Variants in CDH10 observed in about 807,000 individuals in gnomAD.
CDH10 encodes cadherin 10.
Under a neutral mutation model 73.1 loss-of-function variants are expected in CDH10, and 30 were observed. The ratio of observed to expected loss-of-function variants is 0.41; its 90% CI spans 0.31 to 0.56. The LOEUF is 0.56. CDH10 is among the 20% of genes least tolerant of loss of function. The probability of loss-of-function intolerance (pLI) is 0.27; values close to 1 mark genes in which losing one functional copy is unlikely to be tolerated. For missense variants in CDH10, 815 were observed against 973.7 expected (o/e 0.84, Z 2.17); for synonymous variants, 345 against 348.2 (o/e 0.99, Z 0.10).
chr5:24,641,541 C>G (rs1748048926), intron 1 of CDH10, among the ~76,000 whole-genome samples: 1 of 151,946 alleles, frequency 6.6e-6, no homozygotes, highest in Non-Finnish European at 1.5e-5. Flanking sequence ...TTTGTGAACT[C>G]ATTGGTCTGT....
rs2111877327 is a variant in CDH10, at chr5:24,535,183, C to A, written c.743G>T (p.Gly248Val). ...GTTCACAGTGGTTGTCCCCGATAAG[C>A]CTCCCATCTGGCCGCCCATGTCTTT... ...QAKDMGGQMG[G>V]LSGTTTVNIT... Residue 248 changes from glycine (G) to valine (V), a missense_variant, in exon 5 of 12, where the codon GGC (glycine) becomes GTC (valine). By Grantham distance (109) the Gly-to-Val change is moderately radical. Around this residue, in one of 3 missense-constraint regions of CDH10, gnomAD observed 516 missense variants for 636.6 expected, o/e 0.81. Transcript: ENST00000264463. 1 of 1,613,490 alleles carries A rather than the reference C, an allele frequency of 6.2e-7. No individual in the cohort carries two copies. Among genetic ancestry groups the A allele is most frequent in the Non-Finnish European group, 8.5e-7 (1 of 1,179,682 alleles).
intron 2 of CDH10, among the ~76,000 whole-genome samples, chr5:24,592,439 A>G (rs1746230626): frequency 4.6e-5 from 7 of 150,640 alleles, no homozygotes; most frequent in Admixed American, 2.6e-4. Flanking sequence ...ATTGACTATT[A>G]AAATGAATTT....
At chr5:24,493,025 T>C in intron 9 of CDH10, 100 bp from the exon 10 acceptor site, 2 of 637,306 alleles carry the variant, frequency 3.1e-6, no homozygotes, top group Non-Finnish European at 5.7e-6. Context: ...TCAAAATAAT[T>C]GACTTTTATT....
chr5:24,620,466 T>C (rs1747276292), intron 1 of CDH10, among the ~76,000 whole-genome samples: 1 of 152,180 alleles, frequency 6.6e-6, no homozygotes, highest in African/African-American at 2.4e-5. Flanking sequence ...GAATAATATA[T>C]ATAAAATGTG....
intron 2 of CDH10, among the ~76,000 whole-genome samples, chr5:24,569,663 T>A (rs2112017452): frequency 6.6e-6 from 1 of 152,286 alleles, no homozygotes; most frequent in Middle Eastern, 3.4e-3. Flanking sequence ...AAAATAAAAT[T>A]TTAGCAGATA....
intron 2 of CDH10, among the ~76,000 whole-genome samples, chr5:24,582,791 T>C (rs1015095329): frequency 6.6e-6 from 1 of 152,106 alleles, no homozygotes; most frequent in Non-Finnish European, 1.5e-5. Flanking sequence ...GCATGAACAA[T>C]AAAATGTCAC....
At chr5:24,553,305 A>G (rs1394334936) in intron 2 of CDH10, among the ~76,000 whole-genome samples, 2 of 152,072 alleles carry the variant, frequency 1.3e-5, no homozygotes, top group Admixed American at 1.3e-4. Context: ...ATTTATCAAA[A>G]TTGCAGAAAT....
Position 24,488,194 on chromosome 5 carries a change from A to T in CDH10, c.1877-41T>A, listed in dbSNP as rs773208707. On this transcript the variant is annotated intron_variant, in intron 11 of 11. Transcript: ENST00000264463. The stretch of plus-strand genomic sequence containing the variant: ...GAAGATACATTAGACGTCCGTTCAA[A>T]ACACTATAAATAACGAGTGGAAATA... 3 of 1,502,998 alleles carry T rather than the reference A, an allele frequency of 2.0e-6. No homozygotes were observed. In the South Asian group the frequency reaches 3.7e-5, roughly 18 times the overall value. The allele number at this position is 1,502,998 out of a possible 1,614,324, so 93.1% of individuals were successfully genotyped here. A position where few individuals can be genotyped will look rare whatever the true frequency, so the allele number is the denominator to read the frequency against.
chr5:24,541,313 T>A (rs946628323), intron 2 of CDH10, among the ~76,000 whole-genome samples: 2 of 152,038 alleles, frequency 1.3e-5, no homozygotes, highest in Non-Finnish European at 2.9e-5. Flanking sequence ...TTATTCTGCA[T>A]AATTTTTCAA....
chr5:24,539,851 C>T (rs1277106249), intron 2 of CDH10, among the ~76,000 whole-genome samples: 2 of 152,046 alleles, frequency 1.3e-5, no homozygotes, highest in Non-Finnish European at 2.9e-5. Flanking sequence ...CAATTATATG[C>T]ATGTGCAACA....
At chr5:24,501,198 T>C (rs140890727) in intron 8 of CDH10, among the ~76,000 whole-genome samples, 32 of 152,332 alleles carry the variant, frequency 2.1e-4, no homozygotes, top group African/African-American at 7.2e-4. Context: ...CACTTTCTAA[T>C]GATGCCACAG....
At chr5:24,520,310 C>A (rs1466772626) in intron 5 of CDH10, among the ~76,000 whole-genome samples, 1 of 152,054 alleles carries the variant, frequency 6.6e-6, no homozygotes, top group Non-Finnish European at 1.5e-5. Context: ...GTGAGCTATA[C>A]TTATATGGAA....
intron 2 of CDH10, among the ~76,000 whole-genome samples, chr5:24,563,785 A>G (rs1745058490): frequency 6.7e-6 from 1 of 150,218 alleles, no homozygotes; most frequent in Non-Finnish European, 1.5e-5. Flanking sequence ...CAAAAAAAAA[A>G]AAAAAAAAAA....
At chr5:24,564,890 C>A (rs1326228685) in intron 2 of CDH10, among the ~76,000 whole-genome samples, 1 of 152,154 alleles carries the variant, frequency 6.6e-6, no homozygotes, top group Admixed American at 6.5e-5. Context: ...CTGTGCAAGG[C>A]TGCCCTGCTC....
At chr5:24,585,429 C>A (rs1395328413) in intron 2 of CDH10, among the ~76,000 whole-genome samples, 1 of 152,000 alleles carries the variant, frequency 6.6e-6, no homozygotes, top group Non-Finnish European at 1.5e-5. Context: ...CTTTAAAAAA[C>A]AACAACAACA....
chr5:24,633,508 T>G (rs543451378), intron 1 of CDH10, among the ~76,000 whole-genome samples: 1 of 152,008 alleles, frequency 6.6e-6, no homozygotes, highest in South Asian at 2.1e-4. Flanking sequence ...ATATTTACAT[T>G]TAAGTTTTAC....
At chr5:24,528,254 CATTTTTA>C (rs1022264114) in intron 5 of CDH10, among the ~76,000 whole-genome samples, 14 of 151,774 alleles carry the variant, frequency 9.2e-5, no homozygotes, top group Non-Finnish European at 1.6e-4. Context: ...GAAAAAGAGA[CATTTTTA>C]ATTTTATTCC....
intron 8 of CDH10, among the ~76,000 whole-genome samples, chr5:24,501,750 T>C (rs1387943076): frequency 6.6e-6 from 1 of 152,316 alleles, no homozygotes; most frequent in Non-Finnish European, 1.5e-5. Flanking sequence ...TAGAGTTCTT[T>C]AGTCATAAAC....
intron 2 of CDH10, among the ~76,000 whole-genome samples, chr5:24,547,506 G>GCTC (rs1744387403): frequency 1.3e-5 from 2 of 152,038 alleles, no homozygotes; most frequent in African/African-American, 4.8e-5. Flanking sequence ...AAAAATAAGA[G>GCTC]TTTTTATGGT....
Sources: allele counts gnomAD v4.1 joint callset (sites outside exome capture counted in the v4.1 genomes callset), GRCh38; gene constraint gnomAD v4.1.1; regional missense constraint gnomAD v4.1.1; transcripts MANE v1.5; gene names NCBI Gene and HGNC (gene_info 2026-07-23, HGNC 2026-07-21).